The following SLC35F1 variants were observed in gnomAD, a reference collection of about 807,000 sequenced individuals.
The protein encoded by SLC35F1 is chromosome 6 open reading frame 169.
SLC35F1 carries 14 observed loss-of-function variants against 48.7 expected under a neutral mutation model. That is an observed-to-expected ratio of 0.29 (90% CI 0.19 to 0.45). The LOEUF is 0.45. SLC35F1 is among the 20% of genes least tolerant of loss of function. The pLI, the probability that SLC35F1 is intolerant of heterozygous loss-of-function variation, is 1.00. For synonymous variants in SLC35F1, 190 were observed against 202.2 expected (o/e 0.94, Z 0.51); for missense variants, 404 against 500.0 (o/e 0.81, Z 1.83).
chr6:118,067,579 A>C (rs1388751800), intron 1 of SLC35F1, among the ~76,000 whole-genome samples: 1 of 152,208 alleles, frequency 6.6e-6, no homozygotes, highest in Non-Finnish European at 1.5e-5. Flanking sequence ...GGAGACAGAG[A>C]ATTTCAAGAG....
At chr6:118,101,580 A>T (rs1773258449) in intron 1 of SLC35F1, among the ~76,000 whole-genome samples, 1 of 152,236 alleles carries the variant, frequency 6.6e-6, no homozygotes, top group Admixed American at 6.5e-5. Flanking sequence ...GGACTTCTAA[A>T]ATGAAAAATA....
In SLC35F1 at chr6:118,214,120, C is replaced by G. The variant is rs180971702; in HGVS notation, c.350-21389C>G. 4.8e-4 allele frequency among the ~76,000 whole-genome samples: 73 copies of G among 152,268 alleles called. No individual in the cohort carries two copies. The South Asian group carries it at 8.1e-3, about 17-fold the overall frequency. On this transcript the variant is annotated intron_variant, in intron 2 of 7. Coordinates refer to ENST00000360388, the MANE Select transcript of SLC35F1 (RefSeq NM_001029858.4). ...ACAAGATGCTTGATTTATTCATTCA[C>G]TCTTCAGCAAATATATATTACTTGT...
At chr6:118,112,096 CTTTTCT>C (rs1562293513) in intron 1 of SLC35F1, among the ~76,000 whole-genome samples, 54 of 51,866 alleles carry the variant, frequency 1.0e-3, no homozygotes, top group African/African-American at 2.7e-3. Flanking sequence ...CTTTTCTTTT[CTTTTCT>C]TTTCTTTTCT....
chr6:118,305,899 T>C (rs1329297034), intron 7 of SLC35F1, among the ~76,000 whole-genome samples: 2 of 152,194 alleles, frequency 1.3e-5, no homozygotes, highest in African/African-American at 2.4e-5. Flanking sequence ...ATTTACCTCG[T>C]GGAGTGACTC....
intron 1 of SLC35F1, among the ~76,000 whole-genome samples, chr6:117,981,346 G>A (rs1325955182): frequency 6.6e-6 from 1 of 152,162 alleles, no homozygotes; most frequent in African/African-American, 2.4e-5. Flanking sequence ...TATGGTACTG[G>A]AGGAGGCCAT....
At chr6:117,947,115 G>T (rs972777863) in intron 1 of SLC35F1, among the ~76,000 whole-genome samples, 2 of 152,196 alleles carry the variant, frequency 1.3e-5, no homozygotes, top group African/African-American at 4.8e-5. Context: ...AAAGGGTAAT[G>T]AAATTTTAGA....
chr6:118,190,684 A>G (rs1774720387), intron 2 of SLC35F1, among the ~76,000 whole-genome samples: 1 of 152,186 alleles, frequency 6.6e-6, no homozygotes, highest in Non-Finnish European at 1.5e-5. Context: ...GAGAGAATAC[A>G]GCGCACCAGG....
chr6:118,035,518 G>A (rs1257922949), intron 1 of SLC35F1, among the ~76,000 whole-genome samples: 1 of 150,986 alleles, frequency 6.6e-6, no homozygotes, highest in Non-Finnish European at 1.5e-5. Context: ...GGAGGCTGAG[G>A]CAGAAGAATT....
chr6:118,132,379 T>C (rs1773726497), intron 1 of SLC35F1, among the ~76,000 whole-genome samples: 1 of 152,354 alleles, frequency 6.6e-6, no homozygotes, highest in East Asian at 1.9e-4. Context: ...CATGGTTTCT[T>C]GTCAAGAATT....
chr6:118,279,606 T>C (rs1393380819), intron 6 of SLC35F1, among the ~76,000 whole-genome samples: 1 of 152,190 alleles, frequency 6.6e-6, no homozygotes, highest in Non-Finnish European at 1.5e-5. Context: ...AAGCTTGACA[T>C]TGCACTTTCT....
chr6:118,170,134 AC>A (rs1582708928), intron 2 of SLC35F1, among the ~76,000 whole-genome samples: 1 of 152,212 alleles, frequency 6.6e-6, no homozygotes, highest in African/African-American at 2.4e-5. Context: ...TTGATATTGC[AC>A]TCTTTATTCA....
intron 1 of SLC35F1, among the ~76,000 whole-genome samples, chr6:117,992,798 T>C (rs1025450326): frequency 6.6e-6 from 1 of 152,256 alleles, no homozygotes; most frequent in Non-Finnish European, 1.5e-5. Context: ...AATTAATTGA[T>C]AGACTTTCCA....
At chr6:118,047,813 C>G (rs906608109) in intron 1 of SLC35F1, among the ~76,000 whole-genome samples, 4 of 152,108 alleles carry the variant, frequency 2.6e-5, no homozygotes, top group Non-Finnish European at 5.9e-5. Flanking sequence ...TGGATAAAGA[C>G]AAAGAACTGA....
chr6:118,069,047 T>G (rs762428313), intron 1 of SLC35F1, among the ~76,000 whole-genome samples: 1 of 152,216 alleles, frequency 6.6e-6, no homozygotes, highest in Non-Finnish European at 1.5e-5. Flanking sequence ...TGACTCCCTG[T>G]GTTAGATTGA....
chr6:118,151,761 C>T (rs1774061318), intron 1 of SLC35F1, among the ~76,000 whole-genome samples: 2 of 152,176 alleles, frequency 1.3e-5, no homozygotes, highest in African/African-American at 4.8e-5. Context: ...AAGTGATCTT[C>T]CTGCCTTAGC....
At chr6:118,064,354 T>C (rs1355783411) in intron 1 of SLC35F1, among the ~76,000 whole-genome samples, 1 of 152,218 alleles carries the variant, frequency 6.6e-6, no homozygotes, top group Non-Finnish European at 1.5e-5. Flanking sequence ...GCTGTGAGCA[T>C]TTTAATTTAA....
chr6:118,093,495 T>C lies in SLC35F1; in HGVS notation c.174-60950T>C, dbSNP rs142790598. On this transcript the variant is annotated intron_variant, in intron 1 of 7. Transcript: ENST00000360388. The stretch of plus-strand genomic sequence containing the variant: ...TGGGGGCAGGTTATTCCCATGCTTT[T>C]CTCATGATAGTGAATAAGTTCAATG... 1.1e-3 allele frequency among the ~76,000 whole-genome samples: 173 copies of C among 152,226 alleles called. 2 individuals carry two copies. Among genetic ancestry groups the C allele is most frequent in the African/African-American group, 4.0e-3 (167 of 41,542 alleles).
At chr6:118,016,737 C>T (rs1442336764) in intron 1 of SLC35F1, among the ~76,000 whole-genome samples, 1 of 152,216 alleles carries the variant, frequency 6.6e-6, no homozygotes, top group Non-Finnish European at 1.5e-5. Context: ...GCACTGGATT[C>T]TTTGCTGCTG....
intron 1 of SLC35F1, among the ~76,000 whole-genome samples, chr6:118,134,613 A>C (rs962556557): frequency 6.6e-6 from 1 of 152,214 alleles, no homozygotes; most frequent in African/African-American, 2.4e-5. Flanking sequence ...AACCAAGGTG[A>C]CTGTATGTGG....
Sources: allele counts gnomAD v4.1 joint callset (sites outside exome capture counted in the v4.1 genomes callset), GRCh38; gene constraint gnomAD v4.1.1; transcripts MANE v1.5; gene names NCBI Gene and HGNC (gene_info 2026-07-23, HGNC 2026-07-21).